The following METTL9 variants were observed in gnomAD, a reference collection of about 807,000 sequenced individuals.
METTL9 encodes the protein protein-L-histidine N-pros-methyltransferase.
METTL9 carries 10 observed loss-of-function variants against 36.0 expected under a neutral mutation model. That is an observed-to-expected ratio of 0.28 (90% CI 0.17 to 0.47). The LOEUF (loss-of-function observed/expected upper bound fraction) is 0.47. Ranked by LOEUF, METTL9 falls within the 20% of genes least tolerant of loss-of-function variation. The probability of loss-of-function intolerance (pLI) is 0.99; values close to 1 mark genes in which losing one functional copy is unlikely to be tolerated. For synonymous variants in METTL9, 175 were observed against 149.7 expected (o/e 1.17, Z -1.23); for missense variants, 246 against 383.5 (o/e 0.64, Z 3.00).
chr16:21,649,972 T>C (rs564408787), intron 4 of METTL9, among the ~76,000 whole-genome samples: 1 of 152,130 alleles, frequency 6.6e-6, no homozygotes, highest in East Asian at 1.9e-4. Flanking sequence ...GCCTTCCAAA[T>C]TGGGTAGTGT....
intron 1 of METTL9, among the ~76,000 whole-genome samples, chr16:21,604,682 T>G (rs1965227304): frequency 6.6e-6 from 1 of 152,226 alleles, no homozygotes; most frequent in Non-Finnish European, 1.5e-5. Context: ...ATGTCTGGAC[T>G]GAGTTGACTG....
At position 21,617,855 on chromosome 16, in the gene METTL9, T is replaced by C. The variant is rs752794974; in HGVS notation, c.357-10T>C. On this transcript the variant is annotated splice_polypyrimidine_tract_variant and intron_variant, in intron 2 of 4. Transcript: ENST00000358154. Reference sequence around the variant, plus strand: ...TAGACACTTCCATTTTTGTCCTTTTTTTCTTTCAGGTTGCTAGGAAGAGGC... The same window carrying C: ...TAGACACTTCCATTTTTGTCCTTTTCTTCTTTCAGGTTGCTAGGAAGAGGC... 224 of 1,612,930 alleles carry C rather than the reference T, an allele frequency of 1.4e-4. No individual in the cohort carries two copies. Among genetic ancestry groups the C allele is most frequent in the Non-Finnish European group, 1.8e-4 (213 of 1,179,092 alleles).
intron 4 of METTL9, chr16:21,647,259 C>T: frequency 1.9e-6 from 3 of 1,614,144 alleles, no homozygotes; most frequent in Non-Finnish European, 8.5e-7. Flanking sequence ...GTGAGGGAAA[C>T]TTGGTTTTCT....
chr16:21,621,133 C>G (rs1965681821), intron 3 of METTL9, among the ~76,000 whole-genome samples: 1 of 151,208 alleles, frequency 6.6e-6, no homozygotes, highest in Non-Finnish European at 1.5e-5. Context: ...CCATATCTGG[C>G]TAATTTGAGA....
intron 4 of METTL9, chr16:21,654,035 T>A (rs190675153): frequency 6.9e-6 from 1 of 144,788 alleles, no homozygotes; most frequent in Admixed American, 6.9e-5. Flanking sequence ...CAGTCTGTTT[T>A]GTTTTTTTTT....
intron 4 of METTL9, 81 bp from the exon 5 acceptor site, chr16:21,655,146 G>A: frequency 2.3e-6 from 3 of 1,296,000 alleles, no homozygotes; most frequent in Non-Finnish European, 3.3e-6. Context: ...CAAGTCCTTG[G>A]TAGATATGGC....
intron 4 of METTL9, among the ~76,000 whole-genome samples, chr16:21,631,401 G>A (rs117842174): frequency 5.3e-5 from 8 of 152,244 alleles, no homozygotes; most frequent in Non-Finnish European, 1.2e-4. Context: ...ATAAGACCTC[G>A]TTTAGTGTAT....
At chr16:21,643,048 AT>A (rs769652733) in intron 4 of METTL9, 1,592 of 1,448,124 alleles carry the variant, frequency 1.1e-3, no homozygotes, top group Middle Eastern at 1.6e-3. Flanking sequence ...CTGTATTTAC[AT>A]TTTTTTTTGA....
At chr16:21,632,491 C>T (rs941312124) in intron 4 of METTL9, among the ~76,000 whole-genome samples, 1 of 152,160 alleles carries the variant, frequency 6.6e-6, no homozygotes, top group Non-Finnish European at 1.5e-5. Flanking sequence ...AAGAGATCAT[C>T]TCGGGCCACA....
intron 1 of METTL9, among the ~76,000 whole-genome samples, chr16:21,604,754 T>C (rs1457831952): frequency 5.3e-5 from 8 of 152,216 alleles, no homozygotes; most frequent in Non-Finnish European, 1.2e-4. Context: ...TTGATGGAGT[T>C]GGTCTGGCCA....
At chr16:21,634,567 G>A (rs1329135769) in intron 4 of METTL9, among the ~76,000 whole-genome samples, 1 of 152,170 alleles carries the variant, frequency 6.6e-6, no homozygotes, top group Non-Finnish European at 1.5e-5. Context: ...GACTAAGGCT[G>A]TGGCCTTTCT....
intron 1 of METTL9, among the ~76,000 whole-genome samples, chr16:21,606,625 C>T (rs1347419207): frequency 6.6e-6 from 1 of 152,076 alleles, no homozygotes; most frequent in African/African-American, 2.4e-5. Flanking sequence ...AAAGTTTGAA[C>T]CTTATACCCA....
At chr16:21,654,676 G>A (rs1966664251) in intron 4 of METTL9, 1 of 153,522 alleles carries the variant, frequency 6.5e-6, no homozygotes, top group Admixed American at 6.4e-5. Flanking sequence ...AACTTCCCTA[G>A]AAAAACTCCC....
At chr16:21,625,322 T>G in intron 4 of METTL9, 1 of 557,084 alleles carries the variant, frequency 1.8e-6, no homozygotes, top group Non-Finnish European at 3.2e-6. Flanking sequence ...CCCCTTGCAG[T>G]GGTAATAATT....
chr16:21,655,224 T>C lies in METTL9; in HGVS notation c.752-3T>C, dbSNP rs201194554. 15 of 1,611,602 alleles carry C rather than the reference T, an allele frequency of 9.3e-6. No homozygotes were observed. Among genetic ancestry groups the C allele is most frequent in the Admixed American group, 1.7e-5 (1 of 59,896 alleles). On this transcript the variant is annotated splice_region_variant and splice_polypyrimidine_tract_variant and intron_variant, in intron 4 of 4. Coordinates refer to ENST00000358154, the MANE Select transcript of METTL9 (RefSeq NM_016025.5). ...TTTAACTGAATGTTCTTATTTGTAT[T>C]AGTAGGTGGCAAGTGGGAGAAACCA...
At chr16:21,603,748 C>T (rs1209215816) in intron 1 of METTL9, among the ~76,000 whole-genome samples, 1 of 152,054 alleles carries the variant, frequency 6.6e-6, no homozygotes, top group Non-Finnish European at 1.5e-5. Flanking sequence ...TTATAGAACT[C>T]GCTGAACCAA....
chr16:21,620,214 T>C (rs796072482), intron 3 of METTL9, among the ~76,000 whole-genome samples: 11 of 152,288 alleles, frequency 7.2e-5, no homozygotes, highest in African/African-American at 2.4e-4. Flanking sequence ...AGGGTTGTTA[T>C]AGGAAGAGAC....
chr16:21,620,168 T>C (rs948784045), intron 3 of METTL9, among the ~76,000 whole-genome samples: 2 of 152,196 alleles, frequency 1.3e-5, no homozygotes, highest in African/African-American at 2.4e-5. Context: ...TTGAACTGTT[T>C]AAGTCCTTAT....
chr16:21,621,482 C>T (rs1390374417), intron 3 of METTL9, among the ~76,000 whole-genome samples: 1 of 152,142 alleles, frequency 6.6e-6, no homozygotes, highest in Non-Finnish European at 1.5e-5. Context: ...CATGCCGCCA[C>T]ACCCAGCTAA....
Sources: allele counts gnomAD v4.1 joint callset (sites outside exome capture counted in the v4.1 genomes callset), GRCh38; gene constraint gnomAD v4.1.1; transcripts MANE v1.5; gene names NCBI Gene and HGNC (gene_info 2026-07-23, HGNC 2026-07-21).